The following AXIN1 variants were observed in gnomAD, a reference collection of about 807,000 sequenced individuals.
The protein encoded by AXIN1 is axin 1, also known as axin-1.
A neutral mutation model predicts 76.4 loss-of-function variants in AXIN1; 30 were observed. The observed-to-expected ratio is 0.39, with a 90% CI of 0.29 to 0.53. AXIN1 has a LOEUF of 0.53. Among genes scored for constraint, AXIN1 ranks in the 20% least tolerant of loss-of-function variants. The pLI is 0.66. For missense variants in AXIN1, 1,140 were observed against 1,198.8 expected (o/e 0.95, Z 0.72); for synonymous variants, 545 against 501.4 (o/e 1.09, Z -1.16).
chr16:350,470 G>A (rs570684711), intron 1 of AXIN1, among the ~76,000 whole-genome samples: 22 of 152,216 alleles, frequency 1.4e-4, no homozygotes, highest in African/African-American at 4.8e-4. Context: ...ATTCCCTTTC[G>A]TCACCGCTTA....
At chr16:324,041 C>T (rs2053524483) in intron 2 of AXIN1, among the ~76,000 whole-genome samples, 1 of 152,174 alleles carries the variant, frequency 6.6e-6, no homozygotes, top group Non-Finnish European at 1.5e-5. Context: ...GCCCCGTAGC[C>T]CACAGGAAAC....
At chr16:292,794 G>GGAGA (rs2052603443) in intron 8 of AXIN1, 1 of 152,340 alleles carries the variant, frequency 6.6e-6, no homozygotes, top group African/African-American at 2.4e-5. Context: ...CACACAAAGG[G>GGAGA]GAGACCTCCC....
At chr16:302,528 G>A (rs1310536493) in intron 5 of AXIN1, among the ~76,000 whole-genome samples, 2 of 152,220 alleles carry the variant, frequency 1.3e-5, no homozygotes, top group African/African-American at 4.8e-5. Context: ...GCTGCTCAAC[G>A]AGCTATGTAA....
In AXIN1 at chr16:297,984, C is replaced by T. The variant is rs1231880508; in HGVS notation, c.1522G>A (p.Gly508Ser). The T allele has an allele frequency of 1.9e-6, 3 of 1,600,490 alleles. No homozygotes were observed. Among genetic ancestry groups the T allele is most frequent in the Non-Finnish European group, 1.7e-6 (2 of 1,177,548 alleles). ...TGCTTCCCGTGCCCCGAGGCGGCAC[C>T]CCCCAGTGCCACTGGCATCTTGGCC... ...HVAKMPVALG[G>S]AASGHGKHVP... The change falls in exon 6 of 11, where the codon GGT becomes AGT. Residue 508 changes from glycine (G) to serine (S), a missense_variant. Transcript: ENST00000262320.
intron 7 of AXIN1, among the ~76,000 whole-genome samples, chr16:296,324 G>T (rs548362052): frequency 1.3e-5 from 2 of 152,376 alleles, no homozygotes; most frequent in East Asian, 3.9e-4. Context: ...CCTGGGTGAG[G>T]GTGGGGGGCA....
intron 1 of AXIN1, 140 bp downstream of exon 1, chr16:352,229 G>A (rs1212788248): frequency 2.2e-6 from 1 of 447,520 alleles, no homozygotes; most frequent in African/African-American, 2.1e-5. Context: ...CCGCTGCCCA[G>A]GGACACCCCG....
At position 304,314 on chromosome 16, in the gene AXIN1, C is replaced by T. The variant is rs368340732; in HGVS notation, c.1244G>A (p.Arg415His). The part of the protein sequence containing the change: ...AEEKLEERLK[R>H]VRMEEEGEDG... ...ACGCGGCCCACTCACCATGCGCACG[C>T]GCTTCAGCCGCTCCTCCAGCTTCTC... The change falls in exon 5 of 11, where the codon CGC (arginine) becomes CAC (histidine). Residue 415 changes from arginine (R) to histidine (H), a missense_variant. This residue lies in a region of AXIN1 where 708 missense variants were observed against 776.9 expected (regional missense o/e 0.91). Transcript: ENST00000262320. 177 of 1,611,862 alleles carry T rather than the reference C, an allele frequency of 1.1e-4. No individual in the cohort carries two copies. Among genetic ancestry groups the T allele is most frequent in the Admixed American group, 1.7e-4 (10 of 59,978 alleles).
At position 296,554 on chromosome 16, in the gene AXIN1, C is replaced by T. The variant is rs554736003; in HGVS notation, c.1955+502G>A. ...GCAGCGGCAGGGGCTGGACCTGTGG[C>T]GCCGGGGCCTTGCTCCACACCACAC... On this transcript the variant is annotated intron_variant, in intron 7 of 10. Coordinates refer to ENST00000262320, the MANE Select transcript of AXIN1 (RefSeq NM_003502.4). 8.5e-5 allele frequency among the ~76,000 whole-genome samples: 13 copies of T among 152,274 alleles called. No individual in the cohort carries two copies. The East Asian group carries it at 1.4e-3, about 16-fold the overall frequency.
chr16:297,671 G>A, intron 6 of AXIN1, 51 bp downstream of exon 6: 1 of 1,521,450 alleles, frequency 6.6e-7, no homozygotes, highest in Non-Finnish European at 8.8e-7. Flanking sequence ...GCCTTCTGCA[G>A]GGACACAGCC....
chr16:315,872 G>A (rs1157320424), intron 2 of AXIN1, among the ~76,000 whole-genome samples: 2 of 149,190 alleles, frequency 1.3e-5, no homozygotes, highest in African/African-American at 4.9e-5. Flanking sequence ...GACCAACATG[G>A]TGAAACCCCA....
chr16:331,660 C>A (rs1171097884), intron 2 of AXIN1, among the ~76,000 whole-genome samples: 2 of 152,180 alleles, frequency 1.3e-5, no homozygotes, highest in African/African-American at 4.8e-5. Context: ...ACAAAAACTG[C>A]CTGGACTGCT....
rs898966807 is a variant in AXIN1, at chr16:297,374, CTGTCCCCCGCCAGCT to C, written c.1785-163_1785-149del. On this transcript the variant is annotated intron_variant, in intron 6 of 10. Transcript: ENST00000262320. ...CCCCTGCCCGCTTGTCCCCCACCCG[CTGTCCCCCGCCAGCT>C]TGTCCCCCACCCGCTGTCCCCTGCC... 10 of 1,068,790 alleles carry C rather than the reference CTGTCCCCCGCCAGCT, an allele frequency of 9.4e-6. No homozygotes were observed. In the Middle Eastern group the frequency reaches 1.5e-3, roughly 156 times the overall value. The allele number at this position is 1,068,790 out of a possible 1,614,324, so 66.2% of individuals were successfully genotyped here. A position where few individuals can be genotyped will look rare whatever the true frequency, so the allele number is the denominator to read the frequency against.
At chr16:306,197 T>C (rs1375533382) in intron 4 of AXIN1, among the ~76,000 whole-genome samples, 1 of 151,820 alleles carries the variant, frequency 6.6e-6, no homozygotes, top group East Asian at 1.9e-4. Context: ...ACAGGCACGC[T>C]CACTTTTCTG....
chr16:316,954 G>A (rs2053316863), intron 2 of AXIN1, among the ~76,000 whole-genome samples: 1 of 152,192 alleles, frequency 6.6e-6, no homozygotes, highest in Admixed American at 6.5e-5. Context: ...AGTGACACAA[G>A]ATAACCAAGA....
rs2141502929 is a variant in AXIN1 at position 297,128 on chromosome 16, T to C, written c.1883A>G (p.Lys628Arg). The change falls in exon 7 of 11, where the codon AAG (lysine) becomes AGG (arginine). Residue 628 changes from lysine to arginine, a missense_variant. Lys to Arg is a conservative substitution (Grantham distance 26). This residue lies in a region of AXIN1 where 429 missense variants were observed against 405.8 expected (regional missense o/e 1.06). Transcript: ENST00000262320. ...GATCCACTGCATGATTTTCTGGTTC[T>C]TCTCCGCATCCTCCGAGGCACCTGG... ...EVPGASEDAEKNQKIMQWIIE... is the reference protein window; with the variant it reads ...EVPGASEDAERNQKIMQWIIE... The C allele has an allele frequency of 1.2e-6, 2 of 1,612,848 alleles. No individual in the cohort carries two copies. Among genetic ancestry groups the C allele is most frequent in the South Asian group, 2.2e-5 (2 of 91,086 alleles).
intron 2 of AXIN1, among the ~76,000 whole-genome samples, chr16:322,450 C>CA (rs2053480093): frequency 6.6e-6 from 1 of 152,214 alleles, no homozygotes; most frequent in South Asian, 2.1e-4. Flanking sequence ...GTTTCCTCTG[C>CA]ACAGGTGTGG....
chr16:347,807 C>G (rs1409759138), intron 1 of AXIN1, among the ~76,000 whole-genome samples: 2 of 152,190 alleles, frequency 1.3e-5, no homozygotes, highest in East Asian at 3.9e-4. Context: ...CACCCAGGCC[C>G]ACAGAGGCGC....
chr16:314,691 C>T lies in AXIN1; in HGVS notation c.879-8G>A, dbSNP rs201694999. 1.9e-6 allele frequency: 3 copies of T among 1,613,278 alleles called. No individual in the cohort carries two copies. The African/African-American group carries it at 4.0e-5, about 21-fold the overall frequency. Reference sequence around the variant, plus strand: ...TCCCGCCAGGATCCATACCTGCAAACAGGCAAGCAGGGCATGTTAGTGACA... The same window carrying T: ...TCCCGCCAGGATCCATACCTGCAAATAGGCAAGCAGGGCATGTTAGTGACA... On this transcript the variant is annotated splice_region_variant and splice_polypyrimidine_tract_variant and intron_variant, in intron 2 of 10. Transcript: ENST00000262320.
intron 7 of AXIN1, among the ~76,000 whole-genome samples, chr16:294,895 T>C (rs1408497194): frequency 6.7e-6 from 1 of 149,966 alleles, no homozygotes; most frequent in African/African-American, 2.5e-5. Flanking sequence ...ACCCCACCTC[T>C]ACTAAAAAAA....
Sources: allele counts gnomAD v4.1 joint callset (sites outside exome capture counted in the v4.1 genomes callset), GRCh38; gene constraint gnomAD v4.1.1; regional missense constraint gnomAD v4.1.1; transcripts MANE v1.5; gene names NCBI Gene and HGNC (gene_info 2026-07-23, HGNC 2026-07-21).